Variants in RAB30 observed in about 807,000 individuals in gnomAD.
RAB30 encodes the protein ras-related protein Rab-30.
A neutral mutation model predicts 25.1 loss-of-function variants in RAB30; 9 were observed. The observed-to-expected ratio is 0.36, with a 90% CI of 0.22 to 0.63. The LOEUF is 0.63. Ranked by LOEUF, RAB30 falls within the 20% of genes least tolerant of loss-of-function variation. The pLI is 0.69. For synonymous variants in RAB30, 77 were observed against 86.4 expected (o/e 0.89, Z 0.60); for missense variants, 140 against 243.5 (o/e 0.58, Z 2.83).
At chr11:83,067,862 A>G (rs2076101583) in intron 1 of RAB30, among the ~76,000 whole-genome samples, 1 of 152,046 alleles carries the variant, frequency 6.6e-6, no homozygotes, top group Non-Finnish European at 1.5e-5. Context: ...GCGGTGGCTC[A>G]CGCCTGTAGT....
intron 4 of RAB30, among the ~76,000 whole-genome samples, chr11:82,983,091 T>C (rs1296728887): frequency 6.6e-6 from 1 of 151,756 alleles, no homozygotes; most frequent in Non-Finnish European, 1.5e-5. Flanking sequence ...AAAAAGCATA[T>C]ACAATACGCA....
rs1418910802 is a variant in RAB30 at position 82,981,790 on chromosome 11, A to G, written c.*375T>C. 5.6e-6 allele frequency: 1 copy of G among 178,876 alleles called. No individual in the cohort carries two copies. The highest frequency in any genetic ancestry group is 1.2e-5 in the Non-Finnish European group (1 of 84,214). The allele number at this position is 178,876 out of a possible 1,614,324, so 11.1% of individuals were successfully genotyped here. A position where few individuals can be genotyped will look rare whatever the true frequency, so the allele number is the denominator to read the frequency against. ...CCCAGATGATTACCACCGAAGCCCTAAAGAAGAGTTCCCACATGCACCCAC... is the reference window on the plus strand; with the variant it reads ...CCCAGATGATTACCACCGAAGCCCTGAAGAAGAGTTCCCACATGCACCCAC... On this transcript the variant is annotated 3_prime_UTR_variant, in exon 5 of 5. Coordinates refer to ENST00000527633, the MANE Select transcript of RAB30 (RefSeq NM_001286060.2).
intron 1 of RAB30, among the ~76,000 whole-genome samples, chr11:83,023,544 A>G (rs1447881125): frequency 1.3e-5 from 2 of 151,996 alleles, no homozygotes; most frequent in African/African-American, 2.4e-5. Context: ...ACTTCATCCT[A>G]TCTCCCCTGC....
intron 1 of RAB30, among the ~76,000 whole-genome samples, chr11:83,037,488 G>A (rs1244851311): frequency 6.6e-6 from 1 of 152,154 alleles, no homozygotes; most frequent in African/African-American, 2.4e-5. Context: ...GACCTCACGT[G>A]ATCCACTCAC....
Position 83,028,633 on chromosome 11 carries a change from A to G in RAB30, c.-8-31309T>C, listed in dbSNP as rs186257407. 2.1e-3 allele frequency among the ~76,000 whole-genome samples: 316 copies of G among 152,328 alleles called. 1 individual carries two copies. Among genetic ancestry groups the G allele is most frequent in the African/African-American group, 7.2e-3 (298 of 41,568 alleles). On this transcript the variant is annotated intron_variant, in intron 1 of 4. Transcript: ENST00000527633. ...TCTACAGCAACAATAAAAAGACAAT[A>G]AAGCAATGCCTTTAAAATCTGAAGG...
chr11:83,034,094 C>CA (rs1216676364), intron 1 of RAB30: 3 of 152,156 alleles, frequency 2.0e-5, no homozygotes, highest in African/African-American at 7.2e-5. Context: ...CTGCAAAACT[C>CA]AAGCTCTGCA....
chr11:83,065,122 G>A (rs1858666105), intron 1 of RAB30, among the ~76,000 whole-genome samples: 1 of 151,986 alleles, frequency 6.6e-6, no homozygotes, highest in Non-Finnish European at 1.5e-5. Context: ...AGAGACAAGA[G>A]CTGGGCACAG....
chr11:83,062,116 G>C (rs1368146018), intron 1 of RAB30, among the ~76,000 whole-genome samples: 2 of 152,114 alleles, frequency 1.3e-5, no homozygotes, highest in African/African-American at 4.8e-5. Context: ...AGCAGCTACA[G>C]AAACAGTATA....
intron 1 of RAB30, among the ~76,000 whole-genome samples, chr11:83,010,408 G>A (rs1394907911): frequency 1.3e-5 from 2 of 152,028 alleles, no homozygotes; most frequent in African/African-American, 2.4e-5. Flanking sequence ...CTGTGATCAC[G>A]CCATTGCACT....
At chr11:82,997,004 G>A (rs910426417) in intron 2 of RAB30, among the ~76,000 whole-genome samples, 3 of 152,132 alleles carry the variant, frequency 2.0e-5, no homozygotes, top group Admixed American at 6.5e-5. Flanking sequence ...GGCATGGGAG[G>A]GTTGGTGGAG....
In RAB30 at chr11:82,975,542, T is replaced by C. The variant is rs567067540; in HGVS notation, c.*6623A>G. 1 of 152,338 alleles carries C rather than the reference T, an allele frequency of 6.6e-6. No homozygotes were observed. The highest frequency in any genetic ancestry group is 6.5e-5 in the Admixed American group (1 of 15,298). 9.4% of individuals were successfully genotyped at this position (152,338 alleles called of 1,614,324 possible). A position where few individuals can be genotyped will look rare whatever the true frequency, so the allele number is the denominator to read the frequency against. ...AAACGCTTTTGGATGTTGGTAATTA[T>C]GTACATCAAATAATGTCATATATGA... On this transcript the variant is annotated 3_prime_UTR_variant, in exon 5 of 5. Coordinates refer to ENST00000527633, the MANE Select transcript of RAB30 (RefSeq NM_001286060.2).
intron 1 of RAB30, among the ~76,000 whole-genome samples, chr11:83,052,725 T>C (rs1326401556): frequency 6.6e-6 from 1 of 152,192 alleles, no homozygotes; most frequent in East Asian, 1.9e-4. Flanking sequence ...TAAGAACCAG[T>C]TGACAAGGTC....
chr11:83,019,139 G>A (rs954490545), intron 1 of RAB30, among the ~76,000 whole-genome samples: 6 of 152,188 alleles, frequency 3.9e-5, no homozygotes, highest in African/African-American at 4.8e-5. Context: ...TGATTCTCAT[G>A]CCTCAGCCTC....
In RAB30 at chr11:82,977,087, G is replaced by A. The variant is rs1376252475; in HGVS notation, c.*5078C>T. The A allele has an allele frequency of 6.6e-6, 1 of 152,164 alleles. No individual in the cohort carries two copies. The highest frequency in any genetic ancestry group is 6.5e-5 in the Admixed American group (1 of 15,272). 9.4% of individuals were successfully genotyped at this position (152,164 alleles called of 1,614,324 possible). On this transcript the variant is annotated 3_prime_UTR_variant, in exon 5 of 5. Coordinates refer to ENST00000527633, the MANE Select transcript of RAB30 (RefSeq NM_001286060.2). ...CAGAAGATTCTGCTCTGTTAAAAAGGCCTATCCTAAAATCTTGAAAGAGAC... is the reference window on the plus strand; with the variant it reads ...CAGAAGATTCTGCTCTGTTAAAAAGACCTATCCTAAAATCTTGAAAGAGAC...
chr11:83,005,119 T>C (rs1208025396), intron 1 of RAB30, among the ~76,000 whole-genome samples: 1 of 152,192 alleles, frequency 6.6e-6, no homozygotes, highest in Non-Finnish European at 1.5e-5. Context: ...TACAAAATTC[T>C]TTCACAGACA....
chr11:83,014,924 G>C lies in RAB30; in HGVS notation c.-8-17600C>G, dbSNP rs1857403644. Among the ~76,000 whole-genome samples, 9 of 152,200 alleles carry C rather than the reference G, an allele frequency of 5.9e-5. No homozygotes were observed. The South Asian group carries it at 1.9e-3, about 32-fold the overall frequency. On this transcript the variant is annotated intron_variant, in intron 1 of 4. Coordinates refer to ENST00000527633, the MANE Select transcript of RAB30 (RefSeq NM_001286060.2). ...GGAAGAAGTACATTTCAGGCATAGA[G>C]ATCAGCAAGTACAGGGGCCCTATGT... is the stretch of plus-strand genomic sequence containing the variant.
intron 1 of RAB30, among the ~76,000 whole-genome samples, chr11:83,019,380 G>A (rs1857513719): frequency 6.6e-6 from 1 of 152,186 alleles, no homozygotes; most frequent in Non-Finnish European, 1.5e-5. Context: ...CAAAAGTGAA[G>A]ATGGAAATTA....
At chr11:83,017,021 G>A (rs1262944569) in intron 1 of RAB30, among the ~76,000 whole-genome samples, 2 of 152,238 alleles carry the variant, frequency 1.3e-5, no homozygotes, top group African/African-American at 4.8e-5. Flanking sequence ...AAAAACTTGA[G>A]GGGCTAAACT....
intron 4 of RAB30, 71 bp downstream of exon 4, chr11:82,987,516 A>G (rs1856759303): frequency 2.1e-6 from 3 of 1,420,316 alleles, no homozygotes; most frequent in Non-Finnish European, 1.9e-6. Context: ...GCACCAATGT[A>G]TAAGCTTTAT....
Sources: allele counts gnomAD v4.1 joint callset (sites outside exome capture counted in the v4.1 genomes callset), GRCh38; gene constraint gnomAD v4.1.1; transcripts MANE v1.5; gene names NCBI Gene and HGNC (gene_info 2026-07-23, HGNC 2026-07-21).